HNF4G: variants seen among roughly 807,000 people sequenced by gnomAD.
The protein encoded by HNF4G is hepatocyte nuclear factor 4 gamma, also known as hepatocyte nuclear factor 4-gamma.
Under a neutral mutation model 50.9 loss-of-function variants are expected in HNF4G, and 21 were observed. The ratio of observed to expected loss-of-function variants is 0.41; its 90% CI spans 0.29 to 0.59. The LOEUF (loss-of-function observed/expected upper bound fraction) is 0.59. Among genes scored for constraint, HNF4G ranks in the 20% least tolerant of loss-of-function variants. The pLI is 0.26. For missense variants in HNF4G, 527 were observed against 559.4 expected (o/e 0.94, Z 0.58); for synonymous variants, 198 against 185.6 (o/e 1.07, Z -0.54).
rs183020857 is a variant in HNF4G at position 75,518,303 on chromosome 8, T to C, written c.-23-25508T>C. Among the ~76,000 whole-genome samples, 282 of 152,002 alleles carry C rather than the reference T, an allele frequency of 1.9e-3. 1 individual carries two copies. The highest frequency in any genetic ancestry group is 3.9e-3 in the Admixed American group (60 of 15,272). On this transcript the variant is annotated intron_variant, in intron 2 of 10. Coordinates refer to the HNF4G transcript ENST00000354370. ...TGGTTTCCAGCTTCATCCATGTCCC[T>C]ACGAAGGACAGGAACTCATCATTTT...
At chr8:75,547,711 T>C in intron 3 of HNF4G, 30 bp downstream of exon 3, 1 of 1,312,786 alleles carries the variant, frequency 7.6e-7, no homozygotes, top group Non-Finnish European at 1.1e-6. Context: ...TAATTAACAT[T>C]ATTGATGAAA....
chr8:75,428,302 T>C (rs776289132), intron 1 of HNF4G, among the ~76,000 whole-genome samples: 2 of 152,170 alleles, frequency 1.3e-5, no homozygotes, highest in Admixed American at 6.6e-5. Flanking sequence ...GTTTCACTTA[T>C]TGTTAGCCTT....
At chr8:75,555,112 A>G (rs530415709) in intron 5 of HNF4G, among the ~76,000 whole-genome samples, 1 of 152,324 alleles carries the variant, frequency 6.6e-6, no homozygotes, top group East Asian at 1.9e-4. Flanking sequence ...TAGGGACAAT[A>G]AGAAACCATT....
chr8:75,449,799 G>T (rs1016770011), intron 1 of HNF4G, among the ~76,000 whole-genome samples: 2 of 152,056 alleles, frequency 1.3e-5, no homozygotes, highest in East Asian at 1.9e-4. Context: ...GAGCCACCGC[G>T]CCCGGCCTAT....
At chr8:75,430,274 G>C (rs1483990302) in intron 1 of HNF4G, among the ~76,000 whole-genome samples, 1 of 152,104 alleles carries the variant, frequency 6.6e-6, no homozygotes. Context: ...CACTGAAACA[G>C]ACATTTTCTC....
intron 2 of HNF4G, among the ~76,000 whole-genome samples, chr8:75,500,618 T>G (rs892390738): frequency 6.6e-6 from 1 of 152,182 alleles, no homozygotes; most frequent in Non-Finnish European, 1.5e-5. Flanking sequence ...TAATTTGTAT[T>G]TCCATCAGCT....
At chr8:75,524,615 G>A (rs1377406548) in intron 2 of HNF4G, among the ~76,000 whole-genome samples, 1 of 152,146 alleles carries the variant, frequency 6.6e-6, no homozygotes, top group East Asian at 1.9e-4. Flanking sequence ...ACAGTACACA[G>A]AAATGGATGA....
chr8:75,505,670 C>T (rs1473014440), intron 2 of HNF4G, among the ~76,000 whole-genome samples: 1 of 142,770 alleles, frequency 7.0e-6, no homozygotes, highest in Non-Finnish European at 1.5e-5. Context: ...TCTGTAAACT[C>T]CGTAATGCAA....
intron 2 of HNF4G, among the ~76,000 whole-genome samples, chr8:75,505,860 T>C (rs1437260169): frequency 6.6e-6 from 1 of 152,142 alleles, no homozygotes. Flanking sequence ...ACTCTGTTAC[T>C]ACTCAATAAT....
intron 2 of HNF4G, among the ~76,000 whole-genome samples, chr8:75,513,934 C>T (rs946335479): frequency 4.0e-5 from 6 of 151,638 alleles, no homozygotes; most frequent in Admixed American, 6.6e-5. Flanking sequence ...TTTAAATGTT[C>T]ATGAATCATT....
intron 1 of HNF4G, among the ~76,000 whole-genome samples, chr8:75,433,854 T>C (rs952204508): frequency 2.6e-5 from 4 of 152,170 alleles, no homozygotes; most frequent in Non-Finnish European, 5.9e-5. Context: ...AGTAAGTACA[T>C]AGCAGGTTTT....
chr8:75,492,375 T>C (rs1277164608), intron 2 of HNF4G, among the ~76,000 whole-genome samples: 1 of 152,136 alleles, frequency 6.6e-6, no homozygotes, highest in African/African-American at 2.4e-5. Flanking sequence ...TAGAAACCTG[T>C]AGGAGAGGGA....
chr8:75,557,644 A>G (rs1807172397), intron 6 of HNF4G, among the ~76,000 whole-genome samples: 2 of 151,978 alleles, frequency 1.3e-5, no homozygotes, highest in Admixed American at 1.3e-4. Flanking sequence ...ACAAAAAATC[A>G]CATTGTACAC....
chr8:75,521,057 T>C (rs571873577), intron 2 of HNF4G, among the ~76,000 whole-genome samples: 1 of 152,294 alleles, frequency 6.6e-6, no homozygotes, highest in South Asian at 2.1e-4. Context: ...CAATTCTTAA[T>C]TAAAGTATTA....
intron 3 of HNF4G, among the ~76,000 whole-genome samples, chr8:75,548,796 C>T (rs191459971): frequency 6.6e-6 from 1 of 152,082 alleles, no homozygotes; most frequent in Non-Finnish European, 1.5e-5. Context: ...ATATATGAAG[C>T]CCATCTTTAA....
chr8:75,472,002 C>T (rs571427827), intron 1 of HNF4G, among the ~76,000 whole-genome samples: 1 of 152,278 alleles, frequency 6.6e-6, no homozygotes, highest in Non-Finnish European at 1.5e-5. Flanking sequence ...ATGGGTATAA[C>T]AATACCTGTC....
chr8:75,512,999 G>C (rs1805797406), intron 2 of HNF4G, among the ~76,000 whole-genome samples: 1 of 152,054 alleles, frequency 6.6e-6, no homozygotes, highest in African/African-American at 2.4e-5. Context: ...TTAGCTTGGA[G>C]TTTTATTATT....
At chr8:75,449,974 T>C (rs941934929) in intron 1 of HNF4G, among the ~76,000 whole-genome samples, 3 of 152,214 alleles carry the variant, frequency 2.0e-5, no homozygotes, top group Non-Finnish European at 2.9e-5. Flanking sequence ...ACTAAAATTT[T>C]GTGTCCTTTG....
At chr8:75,429,947 C>T (rs1245588312) in intron 1 of HNF4G, among the ~76,000 whole-genome samples, 4 of 151,902 alleles carry the variant, frequency 2.6e-5, no homozygotes, top group African/African-American at 7.3e-5. Flanking sequence ...ATCAGGAGAA[C>T]GAGATCATCC....
Sources: allele counts gnomAD v4.1 joint callset (sites outside exome capture counted in the v4.1 genomes callset), GRCh38; gene constraint gnomAD v4.1.1; transcripts MANE v1.5; gene names NCBI Gene and HGNC (gene_info 2026-07-23, HGNC 2026-07-21).